CACNA1E: variants seen among roughly 807,000 people sequenced by gnomAD.
CACNA1E encodes the protein calcium voltage-gated channel subunit alpha1 E, also known as voltage-dependent R-type calcium channel subunit alpha-1E.
In CACNA1E, 40 loss-of-function variants were observed where a neutral mutation model predicts 259.2. That is an observed-to-expected ratio of 0.15 (90% confidence interval 0.12 to 0.20). The LOEUF is 0.20. Ranked by LOEUF, CACNA1E falls within the 10% of genes least tolerant of loss-of-function variation. CACNA1E has a pLI of 1.00. For missense variants in CACNA1E, 1,874 were observed against 3,040.1 expected, an observed-to-expected ratio of 0.62 and a Z score of 9.02; for synonymous variants, 1,104 against 1,138.5, an observed-to-expected ratio of 0.97 and a Z score of 0.61.
chr1:181,616,065 AC>A (rs1427217143), intron 6 of CACNA1E, among the ~76,000 whole-genome samples: 1 of 152,062 alleles, frequency 6.6e-6, no homozygotes, highest in African/African-American at 2.4e-5. Context: ...GAGTGACATC[AC>A]CTTTGTTGTG....
intron 2 of CACNA1E, among the ~76,000 whole-genome samples, chr1:181,470,412 T>C (rs940430693): frequency 6.6e-6 from 1 of 152,108 alleles, no homozygotes; most frequent in African/African-American, 2.4e-5. Flanking sequence ...CTATGTTCTC[T>C]ATTCTCTCTA....
chr1:181,447,854 C>T (rs1418201166), intron 2 of CACNA1E, among the ~76,000 whole-genome samples: 1 of 152,190 alleles, frequency 6.6e-6, no homozygotes, highest in Non-Finnish European at 1.5e-5. Context: ...CTCTTTCATG[C>T]TTCTGGAAGC....
intron 25 of CACNA1E, among the ~76,000 whole-genome samples, chr1:181,748,738 C>G (rs1657332726): frequency 6.6e-6 from 1 of 152,220 alleles, no homozygotes; most frequent in African/African-American, 2.4e-5. Flanking sequence ...TTTCCTATGG[C>G]AGCTTGCAGT....
chr1:181,416,120 C>T (rs1658254259), intron 2 of CACNA1E, among the ~76,000 whole-genome samples: 1 of 152,212 alleles, frequency 6.6e-6, no homozygotes, highest in Non-Finnish European at 1.5e-5. Flanking sequence ...AGTCCTTGGA[C>T]ATGCTCAGTT....
At chr1:181,369,077 T>C (rs1340967331) in intron 1 of CACNA1E, among the ~76,000 whole-genome samples, 1 of 152,040 alleles carries the variant, frequency 6.6e-6, no homozygotes, top group East Asian at 1.9e-4. Flanking sequence ...TGGAAGAGAG[T>C]AGACTCTTTT....
At chr1:181,496,669 G>T (rs1279085360) in intron 1 of CACNA1E, among the ~76,000 whole-genome samples, 1 of 152,196 alleles carries the variant, frequency 6.6e-6, no homozygotes, top group Non-Finnish European at 1.5e-5. Context: ...AAGGTCCTCT[G>T]CTAGGGATAT....
At position 181,669,368 on chromosome 1, in the gene CACNA1E, C is replaced by G. The variant is rs117769316; in HGVS notation, c.1055+17927C>G. ...TGCCTTAGCCTGGCCACACGGCTCA[C>G]TGTTCCCGGATTTCCCAGGTAATCA... On this transcript the variant is annotated intron_variant, in intron 7 of 47. Coordinates refer to ENST00000367573, the MANE Select transcript of CACNA1E (RefSeq NM_001205293.3). Among the ~76,000 whole-genome samples the G allele has an allele frequency of 6.1e-3, 932 of 152,276 alleles. 3 individuals carry two copies. Among genetic ancestry groups the G allele is most frequent in the Middle Eastern group, 0.02 (6 of 294 alleles).
At chr1:181,372,228 G>A (rs1188708727) in intron 1 of CACNA1E, among the ~76,000 whole-genome samples, 1 of 152,106 alleles carries the variant, frequency 6.6e-6, no homozygotes, top group African/African-American at 2.4e-5. Context: ...CTGTACATGA[G>A]CATAAAATAT....
intron 3 of CACNA1E, among the ~76,000 whole-genome samples, chr1:181,515,123 G>A (rs190716026): frequency 5.9e-4 from 89 of 152,068 alleles, no homozygotes; most frequent in Middle Eastern, 3.4e-3. Flanking sequence ...TGGTTCTAAG[G>A]CTCTGTGGTT....
chr1:181,663,349 C>G (rs889422655), intron 7 of CACNA1E, among the ~76,000 whole-genome samples: 1 of 152,154 alleles, frequency 6.6e-6, no homozygotes, highest in African/African-American at 2.4e-5. Context: ...CCTAAGGGTG[C>G]ACAGTCTAAT....
intron 1 of CACNA1E, among the ~76,000 whole-genome samples, chr1:181,397,965 T>A (rs1407485810): frequency 1.3e-5 from 2 of 152,250 alleles, no homozygotes; most frequent in Non-Finnish European, 2.9e-5. Context: ...GATGCTCCTG[T>A]AACAGGAACA....
intron 1 of CACNA1E, among the ~76,000 whole-genome samples, chr1:181,373,397 T>A (rs1654841594): frequency 6.6e-6 from 1 of 152,136 alleles, no homozygotes. Context: ...CCCATTTCTT[T>A]TAGGTTTTCT....
In CACNA1E at chr1:181,733,418, T is replaced by C; in HGVS notation, c.2949-19T>C. On this transcript the variant is annotated intron_variant, in intron 20 of 47. Coordinates refer to ENST00000367573, the MANE Select transcript of CACNA1E (RefSeq NM_001205293.3). ...GGACAGCGTCTGAGCACCAGCTCTC[T>C]CTTCCTCTCTCTTCACAGGACCAAC... The C allele has an allele frequency of 6.7e-7, 1 of 1,494,092 alleles. No homozygotes were observed. The highest frequency in any genetic ancestry group is 8.9e-7 in the Non-Finnish European group (1 of 1,120,914). 92.6% of individuals were successfully genotyped at this position (1,494,092 alleles called of 1,614,324 possible). A position where few individuals can be genotyped will look rare whatever the true frequency, so the allele number is the denominator to read the frequency against.
intron 25 of CACNA1E, among the ~76,000 whole-genome samples, chr1:181,741,507 A>T (rs1044978159): frequency 6.6e-6 from 1 of 152,216 alleles, no homozygotes; most frequent in Non-Finnish European, 1.5e-5. Context: ...CACAATGTAT[A>T]CAGATAGATG....
At chr1:181,434,738 CT>C (rs1290440602) in intron 2 of CACNA1E, among the ~76,000 whole-genome samples, 1 of 152,118 alleles carries the variant, frequency 6.6e-6, no homozygotes, top group Non-Finnish European at 1.5e-5. Context: ...GTGGGAGGAG[CT>C]ACGGGAGGTG....
At chr1:181,673,516 A>G (rs1349693770) in intron 7 of CACNA1E, among the ~76,000 whole-genome samples, 1 of 152,212 alleles carries the variant, frequency 6.6e-6, no homozygotes, top group Non-Finnish European at 1.5e-5. Flanking sequence ...TTCATTCAAC[A>G]TTTGTGGAGC....
chr1:181,505,056 G>C (rs760938112), intron 1 of CACNA1E, among the ~76,000 whole-genome samples: 32 of 152,042 alleles, frequency 2.1e-4, no homozygotes, highest in Non-Finnish European at 3.1e-4. Context: ...GTGGTTTCAT[G>C]GTCATTTCCT....
intron 1 of CACNA1E, among the ~76,000 whole-genome samples, chr1:181,412,563 CAA>C (rs111792171): frequency 4.9e-5 from 7 of 141,598 alleles, no homozygotes; most frequent in East Asian, 2.0e-4. Flanking sequence ...GATCCTATCT[CAA>C]AAAAAAAAAA....
intron 3 of CACNA1E, among the ~76,000 whole-genome samples, chr1:181,563,340 G>C (rs1208793965): frequency 2.0e-5 from 3 of 152,080 alleles, no homozygotes; most frequent in Non-Finnish European, 4.4e-5. Flanking sequence ...TAAAATTTAT[G>C]GATCTGTGAC....
Sources: allele counts gnomAD v4.1 joint callset (sites outside exome capture counted in the v4.1 genomes callset), GRCh38; gene constraint gnomAD v4.1.1; transcripts MANE v1.5; gene names NCBI Gene and HGNC (gene_info 2026-07-23, HGNC 2026-07-21).